The following ATF6 variants were observed in gnomAD, a reference collection of about 807,000 sequenced individuals.
The protein encoded by ATF6 is activating transcription factor 6.
A neutral mutation model predicts 83.6 loss-of-function variants in ATF6; 53 were observed. The ratio of observed to expected loss-of-function variants is 0.63; its 90% CI spans 0.51 to 0.80. The LOEUF is 0.80. ATF6 is among the 30% of genes least tolerant of loss of function. The pLI, the probability that ATF6 is intolerant of heterozygous loss-of-function variation, is 0.00. For synonymous variants in ATF6, 288 were observed against 285.8 expected, an observed-to-expected ratio of 1.01 and a Z score of -0.08; for missense variants, 744 against 797.9, an observed-to-expected ratio of 0.93 and a Z score of 0.81.
rs1458453772 is a variant in ATF6 at position 161,958,608 on chromosome 1, C to T, written c.1967C>T (p.Thr656Ile). 11 of 1,613,982 alleles carry T rather than the reference C, an allele frequency of 6.8e-6. No homozygotes were observed. Among genetic ancestry groups the T allele is most frequent in the Non-Finnish European group, 9.3e-6 (11 of 1,179,932 alleles). ...TTCTTTGGCTCCCCTCCCGCAGCCA[C>T]AGAGGCAACCCACGTTGTCAGCACC... ...NTFFGSPPAATEATHVVSTIP... is the reference protein window; with the variant it reads ...NTFFGSPPAAIEATHVVSTIP... The change falls in exon 16 of 16, where the codon ACA becomes ATA. Residue 656 changes from threonine to isoleucine, a missense_variant. Thr to Ile is a moderately conservative substitution (Grantham distance 89). Coordinates refer to ENST00000367942, the MANE Select transcript of ATF6 (RefSeq NM_007348.4).
At chr1:161,794,071 T>C (rs1307631995) in intron 6 of ATF6, among the ~76,000 whole-genome samples, 2 of 152,026 alleles carry the variant, frequency 1.3e-5, no homozygotes, top group Non-Finnish European at 2.9e-5. Context: ...CATGCCCAGC[T>C]AATTTTTATA....
chr1:161,774,373 G>C (rs1684467517), intron 1 of ATF6, among the ~76,000 whole-genome samples: 1 of 151,282 alleles, frequency 6.6e-6, no homozygotes, highest in South Asian at 2.1e-4. Flanking sequence ...TAGTAGCAGT[G>C]GAGTAATGAG....
At chr1:161,802,011 A>C in intron 6 of ATF6, 41 bp from the exon 7 acceptor site, 1 of 1,593,530 alleles carries the variant, frequency 6.3e-7, no homozygotes, top group African/African-American at 1.3e-5. Flanking sequence ...CTGCCACAGT[A>C]GTTGTGTACC....
chr1:161,932,989 G>A (rs1349408360), intron 15 of ATF6, among the ~76,000 whole-genome samples: 2 of 152,200 alleles, frequency 1.3e-5, no homozygotes, highest in Non-Finnish European at 2.9e-5. Context: ...AGCAACACAA[G>A]AGAGTGTCCA....
At chr1:161,805,688 A>G (rs1685261430) in intron 7 of ATF6, among the ~76,000 whole-genome samples, 1 of 152,186 alleles carries the variant, frequency 6.6e-6, no homozygotes, top group East Asian at 1.9e-4. Flanking sequence ...TTAAAACACA[A>G]GTCCTATTAA....
chr1:161,868,227 C>T (rs1687049845), intron 14 of ATF6, among the ~76,000 whole-genome samples: 1 of 152,116 alleles, frequency 6.6e-6, no homozygotes, highest in Admixed American at 6.6e-5. Flanking sequence ...TAGTTCTGGT[C>T]ACCATCTCTT....
At chr1:161,952,819 T>C (rs1688892521) in intron 15 of ATF6, among the ~76,000 whole-genome samples, 1 of 152,152 alleles carries the variant, frequency 6.6e-6, no homozygotes, top group South Asian at 2.1e-4. Context: ...AGGAGTGTCT[T>C]TGACCATAGA....
In ATF6 at chr1:161,912,126, A is replaced by G. The variant is rs938548343; in HGVS notation, c.1720-170A>G. On this transcript the variant is annotated intron_variant, in intron 14 of 15. Coordinates refer to ENST00000367942, the MANE Select transcript of ATF6 (RefSeq NM_007348.4). ...CACTCTGTAAATGTGTATTACATTAATGAATGAATGATTCTAAGCTGGTTT... is the reference window on the plus strand; with the variant it reads ...CACTCTGTAAATGTGTATTACATTAGTGAATGAATGATTCTAAGCTGGTTT... Among the ~76,000 whole-genome samples, 39 of 152,224 alleles carry G rather than the reference A, an allele frequency of 2.6e-4. 1 individual carries two copies. Among genetic ancestry groups the G allele is most frequent in the African/African-American group, 8.4e-4 (35 of 41,468 alleles).
At chr1:161,941,493 A>G (rs1688640713) in intron 15 of ATF6, among the ~76,000 whole-genome samples, 1 of 152,216 alleles carries the variant, frequency 6.6e-6, no homozygotes, top group Non-Finnish European at 1.5e-5. Context: ...TTTTTAAAAA[A>G]TCCCAAGAAA....
chr1:161,853,422 C>A, intron 12 of ATF6, 99 bp downstream of exon 12: 1 of 858,476 alleles, frequency 1.2e-6, no homozygotes, highest in Non-Finnish European at 1.9e-6. Context: ...TAAACTTGAG[C>A]TTTAGCCTCT....
intron 4 of ATF6, among the ~76,000 whole-genome samples, chr1:161,787,700 A>G (rs1381205679): frequency 6.6e-6 from 1 of 152,134 alleles, no homozygotes; most frequent in Non-Finnish European, 1.5e-5. Context: ...TATTATTTTT[A>G]GTGTTTAGAT....
chr1:161,805,002 G>C (rs1685243943), intron 7 of ATF6, among the ~76,000 whole-genome samples: 1 of 151,856 alleles, frequency 6.6e-6, no homozygotes, highest in Non-Finnish European at 1.5e-5. Context: ...AGAAAATGTA[G>C]AACCAATAAA....
At chr1:161,820,590 A>C (rs1257089054) in intron 8 of ATF6, among the ~76,000 whole-genome samples, 1 of 152,084 alleles carries the variant, frequency 6.6e-6, no homozygotes, top group Non-Finnish European at 1.5e-5. Flanking sequence ...ATCTCTACTA[A>C]AAATACAAAA....
intron 15 of ATF6, among the ~76,000 whole-genome samples, chr1:161,956,555 C>T (rs1456486541): frequency 1.3e-5 from 2 of 152,178 alleles, no homozygotes; most frequent in African/African-American, 4.8e-5. Flanking sequence ...GCAAAGCAGC[C>T]GTACTTGTGA....
Position 161,778,274 on chromosome 1 carries a change from T to G in ATF6, c.113T>G (p.Phe38Cys), listed in dbSNP as rs1684565110. Residue 38 changes from phenylalanine (F) to cysteine (C), a missense_variant, in exon 2 of 16, where the codon TTC becomes TGC. By Grantham distance (205) the Phe-to-Cys change is radical. Coordinates refer to ENST00000367942, the MANE Select transcript of ATF6 (RefSeq NM_007348.4). Reference sequence around the variant, plus strand: ...GCTCTCTTTGCTGAACTCGGTTATTTCACAGACACTGATGAGCTGCAATTG... The same window carrying G: ...GCTCTCTTTGCTGAACTCGGTTATTGCACAGACACTGATGAGCTGCAATTG... ...DSALFAELGY[F>C]TDTDELQLEA... The G allele has an allele frequency of 1.2e-6, 2 of 1,613,780 alleles. No individual in the cohort carries two copies. The highest frequency in any genetic ancestry group is 1.7e-6 in the Non-Finnish European group (2 of 1,179,828).
At chr1:161,849,821 C>G (rs1686572035) in intron 10 of ATF6, among the ~76,000 whole-genome samples, 1 of 152,138 alleles carries the variant, frequency 6.6e-6, no homozygotes, top group Non-Finnish European at 1.5e-5. Flanking sequence ...TCTTTGACAT[C>G]TCTGTTTTAA....
chr1:161,957,774 G>A (rs1688996936), intron 15 of ATF6, among the ~76,000 whole-genome samples: 1 of 152,166 alleles, frequency 6.6e-6, no homozygotes, highest in Admixed American at 6.5e-5. Flanking sequence ...GACACTTTGT[G>A]CCTGGAATCA....
intron 15 of ATF6, among the ~76,000 whole-genome samples, chr1:161,917,710 G>A (rs1173365563): frequency 6.6e-6 from 1 of 152,072 alleles, no homozygotes; most frequent in African/African-American, 2.4e-5. Context: ...GTGAGCCACC[G>A]CGCCCGGCCT....
chr1:161,909,492 C>T (rs1275610546), intron 14 of ATF6, among the ~76,000 whole-genome samples: 1 of 151,010 alleles, frequency 6.6e-6, no homozygotes. Flanking sequence ...TTTAATGTTA[C>T]AGAGGAAGGA....
Sources: gnomAD v4.1 joint callset for allele counts (sites outside exome capture counted in the v4.1 genomes callset) on GRCh38, gnomAD v4.1.1 for gene constraint, MANE v1.5 for transcripts, NCBI Gene and HGNC (gene_info 2026-07-23, HGNC 2026-07-21) for gene names.